PHLPP1: variants seen among roughly 807,000 people sequenced by gnomAD.
PHLPP1 encodes the protein PH domain and leucine rich repeat protein phosphatase 1.
In PHLPP1, 42 loss-of-function variants were observed where a neutral mutation model predicts 117.2. The ratio of observed to expected loss-of-function variants is 0.36; its 90% CI spans 0.28 to 0.46. The LOEUF is 0.46. Among genes scored for constraint, PHLPP1 ranks in the 20% least tolerant of loss-of-function variants. The probability of loss-of-function intolerance (pLI) is 1.00; values close to 1 mark genes in which losing one functional copy is unlikely to be tolerated. For synonymous variants in PHLPP1, 1,042 were observed against 970.7 expected, an observed-to-expected ratio of 1.07 and a Z score of -1.37; for missense variants, 2,084 against 2,241.9, an observed-to-expected ratio of 0.93 and a Z score of 1.42.
In PHLPP1 at chr18:62,874,736, A is replaced by T. The variant is rs563214747; in HGVS notation, c.2066+14135A>T. Reference sequence around the variant, plus strand: ...TCTGTCTCTCTCACTTGCCATGTGGACACACTGGTGAACGTAATGTGCACA... The same window carrying T: ...TCTGTCTCTCTCACTTGCCATGTGGTCACACTGGTGAACGTAATGTGCACA... On this transcript the variant is annotated intron_variant, in intron 4 of 16. Coordinates refer to ENST00000262719, the MANE Select transcript of PHLPP1 (RefSeq NM_194449.4). Among the ~76,000 whole-genome samples, 6 of 152,184 alleles carry T rather than the reference A, an allele frequency of 3.9e-5. No individual in the cohort carries two copies. In the South Asian group the frequency reaches 1.2e-3, roughly 32 times the overall value.
intron 1 of PHLPP1, among the ~76,000 whole-genome samples, chr18:62,788,325 T>C (rs1913357894): frequency 6.6e-6 from 1 of 152,104 alleles, no homozygotes; most frequent in African/African-American, 2.4e-5. Context: ...ATGGTGGGAA[T>C]AGGGAAGGAT....
At chr18:62,892,443 A>G (rs989067350) in intron 4 of PHLPP1, among the ~76,000 whole-genome samples, 19 of 152,080 alleles carry the variant, frequency 1.2e-4, no homozygotes, top group Non-Finnish European at 2.4e-4. Flanking sequence ...CTGGATTCTC[A>G]TATCTCTTTC....
At chr18:62,964,008 C>G (rs148260598) in intron 14 of PHLPP1, among the ~76,000 whole-genome samples, 54 of 152,154 alleles carry the variant, frequency 3.5e-4, no homozygotes, top group South Asian at 4.1e-4. Context: ...TTTTTCTTCT[C>G]CATTTTCCCC....
chr18:62,979,091 G>T lies in PHLPP1; in HGVS notation c.4814G>T (p.Gly1605Val). 6.2e-7 allele frequency: 1 copy of T among 1,613,934 alleles called. No individual in the cohort carries two copies. The highest frequency in any genetic ancestry group is 2.2e-5 in the East Asian group (1 of 44,878). Reference sequence around the variant, plus strand: ...ATCAGCGCCAACGAGGATGAGCCAGGTCTGCCCAGGAAGGCAGACTTCTCT... The same window carrying T: ...ATCAGCGCCAACGAGGATGAGCCAGTTCTGCCCAGGAAGGCAGACTTCTCT... ...IVISANEDEP[G>V]LPRKADFSAV... Residue 1605 changes from glycine (G) to valine (V), a missense_variant, in exon 17 of 17, where the codon GGT (glycine) becomes GTT (valine). Transcript: ENST00000262719.
rs561800796 is a variant in PHLPP1 at position 62,822,112 on chromosome 18, A to G, written c.1577-7923A>G. ...TGTTTCTTAAAGCAAAATATTATCA[A>G]TTAAATTCATCATAATCATCTTAGT... On this transcript the variant is annotated intron_variant, in intron 1 of 16. Transcript: ENST00000262719. Among the ~76,000 whole-genome samples, 16 of 152,174 alleles carry G rather than the reference A, an allele frequency of 1.1e-4. No homozygotes were observed. The South Asian group carries it at 2.3e-3, about 22-fold the overall frequency.
intron 1 of PHLPP1, among the ~76,000 whole-genome samples, chr18:62,766,076 A>AAAATATATATATATATATAT: frequency 2.3e-4 from 5 of 21,650 alleles, no homozygotes; most frequent in South Asian, 2.3e-3. Context: ...AAAAAAAAAA[A>AAAATATATATATATATATAT]ATATATATAT....
intron 1 of PHLPP1, among the ~76,000 whole-genome samples, chr18:62,799,699 C>T (rs1051594323): frequency 3.3e-5 from 5 of 152,164 alleles, no homozygotes; most frequent in Admixed American, 3.3e-4. Context: ...TTGTAGAATA[C>T]AGTGTGTGTT....
intron 6 of PHLPP1, among the ~76,000 whole-genome samples, chr18:62,901,139 A>C (rs1392320716): frequency 1.3e-5 from 2 of 152,104 alleles, no homozygotes; most frequent in Non-Finnish European, 2.9e-5. Flanking sequence ...ATACAATTTC[A>C]TTGTATTGAA....
chr18:62,964,975 A>G (rs1187399298), intron 14 of PHLPP1, among the ~76,000 whole-genome samples: 25 of 152,206 alleles, frequency 1.6e-4, no homozygotes, highest in Admixed American at 1.6e-3. Flanking sequence ...AGCAAAGTGC[A>G]CTGCAACCCT....
intron 1 of PHLPP1, among the ~76,000 whole-genome samples, chr18:62,783,229 C>CTTT (rs71340114): frequency 7.5e-5 from 8 of 106,428 alleles, no homozygotes; most frequent in South Asian, 3.2e-4. Context: ...TTTTTTTTTT[C>CTTT]TTTTTTTTTT....
chr18:62,961,250 C>T (rs376439075), intron 13 of PHLPP1, among the ~76,000 whole-genome samples: 11 of 152,224 alleles, frequency 7.2e-5, no homozygotes, highest in Non-Finnish European at 1.6e-4. Flanking sequence ...AGCCGTGTTA[C>T]GCTATTGTAC....
intron 1 of PHLPP1, among the ~76,000 whole-genome samples, chr18:62,718,336 G>A (rs1292962053): frequency 6.6e-6 from 1 of 152,190 alleles, no homozygotes; most frequent in Non-Finnish European, 1.5e-5. Flanking sequence ...AATCATACTT[G>A]TAACTCCATT....
chr18:62,804,876 A>G (rs925297882), intron 1 of PHLPP1, among the ~76,000 whole-genome samples: 10 of 150,032 alleles, frequency 6.7e-5, no homozygotes, highest in Admixed American at 3.3e-4. Flanking sequence ...CATATACAGT[A>G]TAATATACAC....
intron 1 of PHLPP1, among the ~76,000 whole-genome samples, chr18:62,829,533 C>T (rs1914698774): frequency 6.6e-6 from 1 of 152,190 alleles, no homozygotes; most frequent in African/African-American, 2.4e-5. Flanking sequence ...GGGCGGATCA[C>T]CTGAGGTCGG....
At chr18:62,967,547 C>T (rs1910936995) in intron 14 of PHLPP1, among the ~76,000 whole-genome samples, 1 of 152,036 alleles carries the variant, frequency 6.6e-6, no homozygotes, top group Non-Finnish European at 1.5e-5. Context: ...CATTCACAAT[C>T]AAATGTGATG....
intron 14 of PHLPP1, among the ~76,000 whole-genome samples, chr18:62,971,332 AT>A (rs1456463841): frequency 6.6e-6 from 1 of 151,230 alleles, no homozygotes; most frequent in East Asian, 1.9e-4. Flanking sequence ...GTTTGAAGTT[AT>A]CCCACCACTC....
At chr18:62,846,209 C>CAAAAAAA (rs34577472) in intron 3 of PHLPP1, among the ~76,000 whole-genome samples, 2 of 78,660 alleles carry the variant, frequency 2.5e-5, no homozygotes, top group Non-Finnish European at 4.7e-5. Context: ...AACTCCATCT[C>CAAAAAAA]AAAAAAAAAA....
chr18:62,724,544 C>T (rs1022740886), intron 1 of PHLPP1, among the ~76,000 whole-genome samples: 2 of 152,094 alleles, frequency 1.3e-5, no homozygotes, highest in Admixed American at 6.5e-5. Flanking sequence ...TTGGTTAAGT[C>T]AGTTACAGAG....
Position 62,978,008 on chromosome 18 carries a change from A to C in PHLPP1, c.3985-254A>C, listed in dbSNP as rs2144495473. Among the ~76,000 whole-genome samples, 1 of 152,348 alleles carries C rather than the reference A, an allele frequency of 6.6e-6. No homozygotes were observed. Among genetic ancestry groups the C allele is most frequent in the East Asian group, 1.9e-4 (1 of 5,186 alleles). Reference sequence around the variant, plus strand: ...TGTGACCTAGTGTGAATGGGGTCCCAGTAACACACATAACCGAAATCTTTT... The same window carrying C: ...TGTGACCTAGTGTGAATGGGGTCCCCGTAACACACATAACCGAAATCTTTT... On this transcript the variant is annotated intron_variant, in intron 16 of 16. Transcript: ENST00000262719. This position sits in a 1 kb window ranked among gnomAD's most constrained non-coding sequence, Gnocchi z 7.0.
Sources: gnomAD v4.1 joint callset for allele counts (sites outside exome capture counted in the v4.1 genomes callset) on GRCh38, gnomAD v4.1.1 for gene constraint, Gnocchi (gnomAD v3.1) non-coding constraint, MANE v1.5 for transcripts, NCBI Gene and HGNC (gene_info 2026-07-23, HGNC 2026-07-21) for gene names.